Variants in FOXO3 observed in about 807,000 individuals in gnomAD.
FOXO3 encodes forkhead box O3.
Under a neutral mutation model 41.9 loss-of-function variants are expected in FOXO3, and 4 were observed. The observed-to-expected ratio is 0.10, with a 90% CI of 0.05 to 0.22. The LOEUF (loss-of-function observed/expected upper bound fraction) is 0.22, where lower values mean the gene tolerates loss of function less well. FOXO3 is among the 10% of genes least tolerant of loss of function. The pLI, the probability that FOXO3 is intolerant of heterozygous loss-of-function variation, is 1.00. For missense variants in FOXO3, 534 were observed against 906.8 expected (o/e 0.59, Z 5.28); for synonymous variants, 318 against 389.3 (o/e 0.82, Z 2.16).
chr6:108,619,449 A>G lies in FOXO3; in HGVS notation c.622-44006A>G, dbSNP rs138713984. 3.5e-3 allele frequency among the ~76,000 whole-genome samples: 537 copies of G among 152,328 alleles called. 2 individuals are homozygous for G. The highest frequency in any genetic ancestry group is 0.012 in the African/African-American group (492 of 41,578). ...TTACTTCTCTTTATTCTACTTCTTA[A>G]CAGTTGGAATATGCCAAACAAATGA... is the stretch of plus-strand genomic sequence containing the variant. On this transcript the variant is annotated intron_variant, in intron 1 of 2. Coordinates refer to ENST00000406360, the MANE Select transcript of FOXO3 (RefSeq NM_001455.4).
At chr6:108,643,311 T>A (rs1778307942) in intron 1 of FOXO3, among the ~76,000 whole-genome samples, 1 of 152,194 alleles carries the variant, frequency 6.6e-6, no homozygotes, top group Non-Finnish European at 1.5e-5. Flanking sequence ...AAATTAAAAC[T>A]GGCTGGAGGC....
chr6:108,560,532 C>T (rs546848889), upstream of FOXO3, among the ~76,000 whole-genome samples: 3 of 152,270 alleles, frequency 2.0e-5, no homozygotes, highest in Middle Eastern at 6.8e-3. Flanking sequence ...GGGAGCTGCC[C>T]GCGCAGTCCC....
chr6:108,602,502 C>T (rs1226515159), intron 1 of FOXO3, among the ~76,000 whole-genome samples: 1 of 152,054 alleles, frequency 6.6e-6, no homozygotes, highest in Non-Finnish European at 1.5e-5. Flanking sequence ...GACTCTGCAG[C>T]TTCATAGAAC....
chr6:108,594,259 A>G lies in FOXO3; in HGVS notation c.621+32430A>G, dbSNP rs186475569. On this transcript the variant is annotated intron_variant, in intron 1 of 2. Transcript: ENST00000406360. ...TTAACTGAAGTTTGTTTGCAAAAAG[A>G]TGAAAACGGGTTAATAACTTTAGAG... Among the ~76,000 whole-genome samples the G allele has an allele frequency of 9.2e-5, 14 of 152,326 alleles. No individual in the cohort carries two copies. In the South Asian group the frequency reaches 1.7e-3, roughly 18 times the overall value.
At chr6:108,601,536 T>C (rs1043821305) in intron 1 of FOXO3, among the ~76,000 whole-genome samples, 2 of 152,154 alleles carry the variant, frequency 1.3e-5, no homozygotes, top group African/African-American at 4.8e-5. Context: ...ACTCCCGATC[T>C]CAGGTGATCC....
intron 1 of FOXO3, among the ~76,000 whole-genome samples, chr6:108,649,942 C>T (rs1190443498): frequency 6.6e-6 from 1 of 152,120 alleles, no homozygotes; most frequent in Non-Finnish European, 1.5e-5. Flanking sequence ...GGATTACTCT[C>T]AATGGCCCCC....
chr6:108,659,327 T>G (rs1393471346), intron 1 of FOXO3, among the ~76,000 whole-genome samples: 2 of 152,240 alleles, frequency 1.3e-5, no homozygotes, highest in African/African-American at 2.4e-5. Flanking sequence ...AATGATTCTT[T>G]AGATAATCTG....
chr6:108,654,411 T>C (rs1449719608), intron 1 of FOXO3, among the ~76,000 whole-genome samples: 1 of 152,226 alleles, frequency 6.6e-6, no homozygotes, highest in East Asian at 1.9e-4. Flanking sequence ...AAGAGAACTT[T>C]CTTCCTATCT....
intron 1 of FOXO3, among the ~76,000 whole-genome samples, chr6:108,616,498 G>C (rs1231766624): frequency 6.6e-6 from 1 of 151,886 alleles, no homozygotes; most frequent in Non-Finnish European, 1.5e-5. Context: ...GGGTTTCGCT[G>C]TGTTGGCCAG....
intron 1 of FOXO3, among the ~76,000 whole-genome samples, chr6:108,610,175 TATTTA>T (rs1363496188): frequency 2.0e-5 from 3 of 152,226 alleles, no homozygotes; most frequent in African/African-American, 7.2e-5. Flanking sequence ...ATTTATAATT[TATTTA>T]ATTATTTCCT....
rs1319367099 is a variant in FOXO3 at position 108,601,826 on chromosome 6, C to T, written c.621+39997C>T. Among the ~76,000 whole-genome samples, 3 of 152,294 alleles carry T rather than the reference C, an allele frequency of 2.0e-5. No individual in the cohort carries two copies. The East Asian group carries it at 5.8e-4, about 29-fold the overall frequency. On this transcript the variant is annotated intron_variant, in intron 1 of 2. Transcript: ENST00000406360. ...TTGTTACACATCTCAGTAGTGTGTTCCTGTTTGTTACTCAGTAGTGTTCCA... is the reference window on the plus strand; with the variant it reads ...TTGTTACACATCTCAGTAGTGTGTTTCTGTTTGTTACTCAGTAGTGTTCCA...
At chr6:108,634,390 A>G (rs781698736) in intron 1 of FOXO3, among the ~76,000 whole-genome samples, 1 of 152,172 alleles carries the variant, frequency 6.6e-6, no homozygotes, top group Non-Finnish European at 1.5e-5. Flanking sequence ...GGCAATGGAA[A>G]GGGTCAGGGA....
At chr6:108,568,415 C>T (rs1391176200) in intron 1 of FOXO3, among the ~76,000 whole-genome samples, 2 of 152,206 alleles carry the variant, frequency 1.3e-5, no homozygotes, top group Admixed American at 1.3e-4. Context: ...TTGTGTTCTC[C>T]ATCAGCACTC....
chr6:108,664,192 G>A lies in FOXO3; in HGVS notation c.1359G>A (p.Glu453=). 6.2e-7 allele frequency: 1 copy of A among 1,613,436 alleles called. No homozygotes were observed. Among genetic ancestry groups the A allele is most frequent in the Non-Finnish European group, 8.5e-7 (1 of 1,179,744 alleles). ...AGTCTCCCATGCAGACCATCCAAGA[G>A]AACAAGCCAGCTACCTTCTCTTCCA... The part of the protein sequence containing the change: ...LRQSPMQTIQ[E]NKPATFSSMS... The change falls in exon 2 of 3, where the codon GAG becomes GAA. Residue 453 remains glutamate (E), a synonymous_variant. Coordinates refer to ENST00000406360, the MANE Select transcript of FOXO3 (RefSeq NM_001455.4).
chr6:108,655,353 C>T (rs1778654913), intron 1 of FOXO3, among the ~76,000 whole-genome samples: 1 of 152,200 alleles, frequency 6.6e-6, no homozygotes, highest in African/African-American at 2.4e-5. Context: ...CATCCCAGTT[C>T]TCACCTTTAT....
intron 1 of FOXO3, among the ~76,000 whole-genome samples, chr6:108,620,620 A>T (rs1485120077): frequency 1.3e-5 from 2 of 152,214 alleles, no homozygotes; most frequent in East Asian, 3.8e-4. Context: ...TGAGAACATC[A>T]AGTCATTATT....
intron 2 of FOXO3, among the ~76,000 whole-genome samples, chr6:108,674,068 G>C (rs1770471894): frequency 6.6e-6 from 1 of 152,152 alleles, no homozygotes; most frequent in Non-Finnish European, 1.5e-5. Context: ...ATCGTGCCTT[G>C]TATTGATTTC....
chr6:108,632,673 A>G (rs1215671088), intron 1 of FOXO3, among the ~76,000 whole-genome samples: 1 of 152,154 alleles, frequency 6.6e-6, no homozygotes, highest in Non-Finnish European at 1.5e-5. Context: ...ACTACGTTTG[A>G]GCTAGTGATC....
At chr6:108,562,071 CAGGGG>C (rs1233201744) in intron 1 of FOXO3, among the ~76,000 whole-genome samples, 1 of 151,900 alleles carries the variant, frequency 6.6e-6, no homozygotes, top group Non-Finnish European at 1.5e-5. Context: ...GGAGAGGGGG[CAGGGG>C]ACGCCGGCGA....
Sources: allele counts gnomAD v4.1 joint callset (sites outside exome capture counted in the v4.1 genomes callset), GRCh38; gene constraint gnomAD v4.1.1; transcripts MANE v1.5; gene names NCBI Gene and HGNC (gene_info 2026-07-23, HGNC 2026-07-21).